Variants in NEDD1 observed in about 807,000 individuals in gnomAD.
NEDD1 encodes the protein protein NEDD1.
A neutral mutation model predicts 74.0 loss-of-function variants in NEDD1; 33 were observed. The ratio of observed to expected loss-of-function variants is 0.45; its 90% CI spans 0.34 to 0.60. The LOEUF is 0.60. Among genes scored for constraint, NEDD1 ranks in the 20% least tolerant of loss-of-function variants. The probability of loss-of-function intolerance (pLI) is 0.01; values close to 1 mark genes in which losing one functional copy is unlikely to be tolerated. For missense variants in NEDD1, 746 were observed against 776.5 expected (o/e 0.96, Z 0.47); for synonymous variants, 250 against 264.4 (o/e 0.95, Z 0.53).
chr12:96,944,121 G>T (rs1464401638), intron 12 of NEDD1, among the ~76,000 whole-genome samples: 1 of 151,856 alleles, frequency 6.6e-6, no homozygotes, highest in Non-Finnish European at 1.5e-5. Context: ...ATTTATCATT[G>T]TTACTTTCTG....
At position 96,918,666 on chromosome 12, in the gene NEDD1, A is replaced by G. The variant is rs532543980; in HGVS notation, c.348+929A>G. ...GGGAAATCTAATCTTTTACCTTTGGATCTCTACAGTCGTCTCCCTGGTGAT... is the reference window on the plus strand; with the variant it reads ...GGGAAATCTAATCTTTTACCTTTGGGTCTCTACAGTCGTCTCCCTGGTGAT... On this transcript the variant is annotated intron_variant, in intron 5 of 15. Transcript: ENST00000266742. Among the ~76,000 whole-genome samples, 10 of 152,248 alleles carry G rather than the reference A, an allele frequency of 6.6e-5. No individual in the cohort carries two copies. In the South Asian group the frequency reaches 1.9e-3, roughly 28 times the overall value.
Position 96,912,778 on chromosome 12 carries a change from C to T in NEDD1, c.192C>T (p.Cys64=). ...SSGDKIVVSS[C]KCKPVPLLEL... is the part of the protein sequence containing the mutation. ...GCGACAAAATAGTTGTCTCAAGTTG[C>T]AAATGTAAACCTGTTCCACTTTTAG... The change falls in exon 4 of 16, where the codon TGC becomes TGT. Residue 64 remains cysteine, a synonymous_variant. Coordinates refer to ENST00000266742, the MANE Select transcript of NEDD1 (RefSeq NM_152905.4). 1 of 1,608,292 alleles carries T rather than the reference C, an allele frequency of 6.2e-7. No homozygotes were observed. The highest frequency in any genetic ancestry group is 1.1e-5 in the South Asian group (1 of 90,666).
At chr12:96,948,195 G>A (rs1878380610) in intron 14 of NEDD1, among the ~76,000 whole-genome samples, 1 of 152,078 alleles carries the variant, frequency 6.6e-6, no homozygotes, top group Non-Finnish European at 1.5e-5. Flanking sequence ...ACCAGGCTCT[G>A]TGCATCTGTA....
At chr12:96,917,781 A>G (rs142378138) in intron 5 of NEDD1, 44 bp downstream of exon 5, 37,081 of 1,524,754 alleles carry the variant, frequency 0.024, 554 homozygotes, top group Non-Finnish European at 0.028. Context: ...TGGATATCTT[A>G]ATGCATTTAG....
chr12:96,937,487 C>T (rs1027353619), intron 9 of NEDD1, 94 bp downstream of exon 9: 5 of 571,898 alleles, frequency 8.7e-6, no homozygotes, highest in Non-Finnish European at 1.2e-5. Context: ...TCTTCAAGAA[C>T]ATAGAACTCA....
intron 6 of NEDD1, among the ~76,000 whole-genome samples, chr12:96,928,483 C>A (rs539494255): frequency 2.2e-4 from 33 of 151,988 alleles, no homozygotes; most frequent in Non-Finnish European, 4.1e-4. Context: ...CTTTAAGGAG[C>A]TTAAGTGTTA....
chr12:96,912,158 T>C (rs1252603989), intron 3 of NEDD1, among the ~76,000 whole-genome samples: 1 of 152,104 alleles, frequency 6.6e-6, no homozygotes, highest in African/African-American at 2.4e-5. Flanking sequence ...TATTTAACCA[T>C]ACATATTTAT....
Position 96,907,847 on chromosome 12 carries a change from G to T in NEDD1, c.-18G>T. 1 of 1,362,744 alleles carries T rather than the reference G, an allele frequency of 7.3e-7. No homozygotes were observed. The highest frequency in any genetic ancestry group is 9.5e-7 in the Non-Finnish European group (1 of 1,055,248). The allele number at this position is 1,362,744 out of a possible 1,614,324, so 84.4% of individuals were successfully genotyped here. A position where few individuals can be genotyped will look rare whatever the true frequency, so the allele number is the denominator to read the frequency against. ...TCTCTCCCTTAATGCTCAGTTCTTA[G>T]AAGACCGAGGTAGGTGGGCAGATGG... On this transcript the variant is annotated 5_prime_UTR_variant, in exon 2 of 16. An upstream open reading frame in the 5' UTR loses its in-frame stop. Coordinates refer to ENST00000266742, the MANE Select transcript of NEDD1 (RefSeq NM_152905.4).
At chr12:96,932,917 T>A (rs557845035) in intron 6 of NEDD1, among the ~76,000 whole-genome samples, 1 of 152,084 alleles carries the variant, frequency 6.6e-6, no homozygotes, top group East Asian at 1.9e-4. Context: ...GTTTAAGTAA[T>A]TCACCTAAAT....
rs1874057618 is a variant in NEDD1, at chr12:96,912,817, GGTAA to G, written c.231+3_231+6del. On this transcript the variant is annotated splice_donor_variant and splice_donor_region_variant and intron_variant, in intron 4 of 15. Coordinates refer to ENST00000266742, the MANE Select transcript of NEDD1 (RefSeq NM_152905.4). LOFTEE classifies it high-confidence loss of function. Reference sequence around the variant, plus strand: ...TTCCACTTTTAGAGCTTGCTGAAGGGGTAAGTGATTTTTTTTTTTTTTAAACTTT... The same window carrying G: ...TTCCACTTTTAGAGCTTGCTGAAGGGGTGATTTTTTTTTTTTTTAAACTTT... 6.5e-7 allele frequency: 1 copy of G among 1,543,566 alleles called. No homozygotes were observed. The highest frequency in any genetic ancestry group is 8.8e-7 in the Non-Finnish European group (1 of 1,131,738).
chr12:96,951,742 T>A (rs1000937155), intron 15 of NEDD1, among the ~76,000 whole-genome samples: 2 of 151,746 alleles, frequency 1.3e-5, no homozygotes, highest in East Asian at 1.9e-4. Flanking sequence ...GCATTTTAAA[T>A]GTGCAAATAT....
intron 9 of NEDD1, among the ~76,000 whole-genome samples, chr12:96,940,000 G>A (rs1187547444): frequency 1.3e-5 from 2 of 151,816 alleles, no homozygotes; most frequent in East Asian, 3.9e-4. Context: ...ATGCCTTACA[G>A]ACTAAAAAAA....
At chr12:96,929,977 G>GT (rs1216180159) in intron 6 of NEDD1, among the ~76,000 whole-genome samples, 3 of 152,074 alleles carry the variant, frequency 2.0e-5, no homozygotes, top group African/African-American at 7.2e-5. Context: ...CAGATTCCTT[G>GT]TTATTCCTTC....
At chr12:96,928,811 C>G (rs969202105) in intron 6 of NEDD1, among the ~76,000 whole-genome samples, 1 of 151,342 alleles carries the variant, frequency 6.6e-6, no homozygotes, top group African/African-American at 2.4e-5. Flanking sequence ...CTCAGCCTCC[C>G]GAGTAGCTGC....
chr12:96,918,290 T>C (rs1874688246), intron 5 of NEDD1, among the ~76,000 whole-genome samples: 2 of 152,084 alleles, frequency 1.3e-5, no homozygotes, highest in African/African-American at 4.8e-5. Context: ...AATAAAAATA[T>C]TCAGCACAAG....
chr12:96,914,377 C>CT (rs1874229656), intron 4 of NEDD1, among the ~76,000 whole-genome samples: 1 of 152,030 alleles, frequency 6.6e-6, no homozygotes, highest in Admixed American at 6.5e-5. Flanking sequence ...TGACATAATT[C>CT]TAAGAGTTTT....
intron 6 of NEDD1, among the ~76,000 whole-genome samples, chr12:96,926,031 A>ATT (rs3035156): frequency 0.01 from 1,516 of 148,114 alleles, 66 homozygotes; most frequent in East Asian, 0.096. Flanking sequence ...TTTCAAAGGG[A>ATT]TTTTTTTTTT....
intron 2 of NEDD1, 36 bp from the exon 3 acceptor site, chr12:96,909,716 A>C (rs1400673019): frequency 1.3e-6 from 2 of 1,561,020 alleles, no homozygotes; most frequent in Non-Finnish European, 1.8e-6. Flanking sequence ...CTATTCTTAA[A>C]TGTTTTTAAA....
At chr12:96,907,424 C>A in intron 1 of NEDD1, 124 bp downstream of exon 1, 1 of 537,768 alleles carries the variant, frequency 1.9e-6, no homozygotes. Context: ...CTTTGCGCGC[C>A]CGGAGCGGTT....
Sources: allele counts gnomAD v4.1 joint callset (sites outside exome capture counted in the v4.1 genomes callset), GRCh38; gene constraint gnomAD v4.1.1; transcripts MANE v1.5; gene names NCBI Gene and HGNC (gene_info 2026-07-23, HGNC 2026-07-21).